GRM7: variants seen among roughly 807,000 people sequenced by gnomAD.
The protein encoded by GRM7 is glutamate metabotropic receptor 7.
In GRM7, 35 loss-of-function variants were observed where a neutral mutation model predicts 84.5. That is an observed-to-expected ratio of 0.41 (90% CI 0.32 to 0.55). The LOEUF (loss-of-function observed/expected upper bound fraction) is 0.55, where lower values mean the gene tolerates loss of function less well. Among genes scored for constraint, GRM7 ranks in the 20% least tolerant of loss-of-function variants. The probability of loss-of-function intolerance (pLI) is 0.19; values close to 1 mark genes in which losing one functional copy is unlikely to be tolerated. For synonymous variants in GRM7, 487 were observed against 455.1 expected, an observed-to-expected ratio of 1.07 and a Z score of -0.89; for missense variants, 1,003 against 1,194.6, an observed-to-expected ratio of 0.84 and a Z score of 2.36.
chr3:6,901,508 G>A (rs535672045), intron 1 of GRM7, among the ~76,000 whole-genome samples: 2 of 147,526 alleles, frequency 1.4e-5, no homozygotes, highest in African/African-American at 5.0e-5. Flanking sequence ...TGAGGCAGGA[G>A]AATCGCTGGA....
intron 2 of GRM7, among the ~76,000 whole-genome samples, chr3:7,205,722 C>A (rs896891632): frequency 1.3e-5 from 2 of 152,126 alleles, no homozygotes; most frequent in African/African-American, 2.4e-5. Context: ...GAAGGTAACA[C>A]CCAGACGTGA....
intron 4 of GRM7, among the ~76,000 whole-genome samples, chr3:7,310,604 C>T (rs1230214490): frequency 2.0e-5 from 3 of 152,160 alleles, no homozygotes; most frequent in African/African-American, 7.2e-5. Context: ...TGCTTCTAAG[C>T]AATGCGTATG....
intron 8 of GRM7, among the ~76,000 whole-genome samples, chr3:7,606,557 G>T (rs1016443446): frequency 6.6e-6 from 1 of 152,056 alleles, no homozygotes; most frequent in Non-Finnish European, 1.5e-5. Flanking sequence ...GGGGGGACAA[G>T]GTCTCTCTTT....
Position 7,049,910 on chromosome 3 carries a change from T to TTA in GRM7, c.520-96542_520-96541insTA, listed in dbSNP as rs1279855272. Among the ~76,000 whole-genome samples, 4 of 151,918 alleles carry TTA rather than the reference T, an allele frequency of 2.6e-5. No homozygotes were observed. The East Asian group carries it at 7.7e-4, about 29-fold the overall frequency. ...CTCAAGGAACTGGAACCTAGTTTAT[T>TTA]ATCAGAGGAAGCTGACAGACAAAGC... On this transcript the variant is annotated intron_variant, in intron 1 of 9. Coordinates refer to ENST00000357716, the MANE Select transcript of GRM7 (RefSeq NM_000844.4).
chr3:7,460,057 G>A (rs2124905484), intron 6 of GRM7, among the ~76,000 whole-genome samples: 1 of 121,192 alleles, frequency 8.3e-6, no homozygotes, highest in Middle Eastern at 6.9e-3. Flanking sequence ...TGAGAGTTAT[G>A]ACAGCATCTT....
At chr3:7,628,801 C>T (rs1159981879) in intron 8 of GRM7, among the ~76,000 whole-genome samples, 3 of 152,090 alleles carry the variant, frequency 2.0e-5, no homozygotes, top group African/African-American at 7.2e-5. Context: ...GTCTCAGCAG[C>T]CATATTGGTA....
Position 7,308,080 on chromosome 3 carries a change from A to C in GRM7, c.1033+1428A>C, listed in dbSNP as rs114636713. 8.2e-3 allele frequency among the ~76,000 whole-genome samples: 1,243 copies of C among 152,316 alleles called. 15 individuals carry two copies. Among genetic ancestry groups the C allele is most frequent in the African/African-American group, 0.028 (1,174 of 41,556 alleles). On this transcript the variant is annotated intron_variant, in intron 4 of 9. Coordinates refer to ENST00000357716, the MANE Select transcript of GRM7 (RefSeq NM_000844.4). ...ACAGGGAAATGAAGGAACAGGACAC[A>C]TTAGGGAAAATACAAATAATTCATT...
intron 1 of GRM7, among the ~76,000 whole-genome samples, chr3:6,943,823 T>C (rs957577330): frequency 1.3e-5 from 2 of 152,060 alleles, no homozygotes; most frequent in African/African-American, 4.8e-5. Flanking sequence ...ATGAAAAAGG[T>C]AACTCAGTTT....
chr3:7,041,431 G>A (rs1353742458), intron 1 of GRM7, among the ~76,000 whole-genome samples: 1 of 152,162 alleles, frequency 6.6e-6, no homozygotes, highest in Non-Finnish European at 1.5e-5. Flanking sequence ...GCTTTTGAGA[G>A]TTACCTCTGC....
intron 4 of GRM7, among the ~76,000 whole-genome samples, chr3:7,377,418 GA>G (rs1439131977): frequency 1.3e-5 from 2 of 152,168 alleles, no homozygotes; most frequent in Non-Finnish European, 2.9e-5. Flanking sequence ...AGAATTAAGT[GA>G]GAGCATTGTT....
intron 8 of GRM7, among the ~76,000 whole-genome samples, chr3:7,660,500 A>C (rs1699394154): frequency 6.6e-6 from 1 of 152,246 alleles, no homozygotes; most frequent in South Asian, 2.1e-4. Context: ...AAATAAATTA[A>C]AGTAGACCTA....
rs999842071 is a variant in GRM7 at position 7,057,866 on chromosome 3, G to A, written c.520-88586G>A. On this transcript the variant is annotated intron_variant, in intron 1 of 9. Coordinates refer to ENST00000357716, the MANE Select transcript of GRM7 (RefSeq NM_000844.4). ...GTTTATTTGCAAATTACAAATCTAC[G>A]TAGGCAAATGATCTACTTAGGCAAA... Among the ~76,000 whole-genome samples the A allele has an allele frequency of 2.6e-4, 40 of 151,810 alleles. 1 individual carries two copies. Among genetic ancestry groups the A allele is most frequent in the Non-Finnish European group, 5.0e-4 (34 of 67,902 alleles).
chr3:7,430,563 T>C (rs1340917810), intron 5 of GRM7, among the ~76,000 whole-genome samples: 3 of 152,258 alleles, frequency 2.0e-5, no homozygotes, highest in Non-Finnish European at 2.9e-5. Context: ...CTTTAGAAGT[T>C]AGGCACATAC....
At chr3:7,715,750 A>G (rs1267872975) in intron 9 of GRM7, among the ~76,000 whole-genome samples, 3 of 152,218 alleles carry the variant, frequency 2.0e-5, no homozygotes, top group Admixed American at 6.5e-5. Flanking sequence ...TGAATCTCAC[A>G]TATGAACACT....
chr3:7,511,196 T>G (rs373378624), intron 7 of GRM7, among the ~76,000 whole-genome samples: 1 of 152,156 alleles, frequency 6.6e-6, no homozygotes, highest in Non-Finnish European at 1.5e-5. Context: ...CTTGACTTAG[T>G]TTACATGCCT....
At chr3:7,483,394 A>C (rs1470128792) in intron 7 of GRM7, among the ~76,000 whole-genome samples, 1 of 152,132 alleles carries the variant, frequency 6.6e-6, no homozygotes, top group Non-Finnish European at 1.5e-5. Flanking sequence ...TGATCTGGGG[A>C]CAGAATGAAC....
intron 1 of GRM7, among the ~76,000 whole-genome samples, chr3:6,891,325 C>T (rs1432718331): frequency 6.6e-6 from 1 of 152,080 alleles, no homozygotes; most frequent in Non-Finnish European, 1.5e-5. Flanking sequence ...TTCTTCCTGG[C>T]CTCGATGGTC....
chr3:7,051,223 G>A, intron 1 of GRM7, among the ~76,000 whole-genome samples: 1 of 151,676 alleles, frequency 6.6e-6, no homozygotes, highest in East Asian at 1.9e-4. Context: ...TAGGAATGGT[G>A]CTTTAATTTT....
intron 2 of GRM7, among the ~76,000 whole-genome samples, chr3:7,242,123 C>T (rs920574636): frequency 5.9e-5 from 9 of 151,988 alleles, no homozygotes; most frequent in Non-Finnish European, 1.0e-4. Context: ...TATCTGATTC[C>T]CTGCAGGATA....
Sources: gnomAD v4.1 joint callset for allele counts (sites outside exome capture counted in the v4.1 genomes callset) on GRCh38, gnomAD v4.1.1 for gene constraint, MANE v1.5 for transcripts, NCBI Gene and HGNC (gene_info 2026-07-23, HGNC 2026-07-21) for gene names.